The following ZBTB20 variants were observed in gnomAD, a reference collection of about 807,000 sequenced individuals.
The protein encoded by ZBTB20 is zinc finger and BTB domain containing 20, also known as zinc finger and BTB domain-containing protein 20.
A neutral mutation model predicts 56.9 loss-of-function variants in ZBTB20; 9 were observed. The ratio of observed to expected loss-of-function variants is 0.16; its 90% CI spans 0.10 to 0.28. ZBTB20 has a LOEUF of 0.28. Ranked by LOEUF, ZBTB20 falls within the 10% of genes least tolerant of loss-of-function variation. ZBTB20 has a pLI of 1.00. For synonymous variants in ZBTB20, 417 were observed against 420.7 expected (o/e 0.99, Z 0.11); for missense variants, 655 against 1,003.0 (o/e 0.65, Z 4.69).
At chr3:114,967,736 C>T (rs1010474995) in intron 3 of ZBTB20, among the ~76,000 whole-genome samples, 1 of 152,052 alleles carries the variant, frequency 6.6e-6, no homozygotes, top group Admixed American at 6.5e-5. Flanking sequence ...GCGGGTGGAT[C>T]ACCCGAGGTC....
rs1036209244 is a variant in ZBTB20 at position 114,316,216 on chromosome 3, G to T, written c.*22789C>A. The T allele has an allele frequency of 6.5e-6, 2 of 308,076 alleles. No homozygotes were observed. Among genetic ancestry groups the T allele is most frequent in the Non-Finnish European group, 1.2e-5 (2 of 163,726 alleles). 19.1% of individuals were successfully genotyped at this position (308,076 alleles called of 1,614,324 possible). On this transcript the variant is annotated 3_prime_UTR_variant, in exon 12 of 12. Coordinates refer to ENST00000675478, the MANE Select transcript of ZBTB20 (RefSeq NM_001348800.3). The stretch of plus-strand genomic sequence containing the variant: ...TGGTATATAGAACATTACTGCATTC[G>T]CATCGGATCAAGATGGTTTCGCCCA...
chr3:114,946,405 A>G (rs1486715155), intron 3 of ZBTB20, among the ~76,000 whole-genome samples: 1 of 145,698 alleles, frequency 6.9e-6, no homozygotes, highest in Non-Finnish European at 1.5e-5. Flanking sequence ...CAATAGATAA[A>G]CTTGATAAAA....
At chr3:114,576,099 T>A (rs1215598106) in intron 6 of ZBTB20, among the ~76,000 whole-genome samples, 1 of 152,178 alleles carries the variant, frequency 6.6e-6, no homozygotes, top group Non-Finnish European at 1.5e-5. Context: ...AACCAATATT[T>A]ATTAAGCACC....
rs778967854 is a variant in ZBTB20 at position 114,944,555 on chromosome 3, G to A, written c.-456+29811C>T. Among the ~76,000 whole-genome samples the A allele has an allele frequency of 2.1e-5, 3 of 145,536 alleles. 1 individual carries two copies. The highest frequency in any genetic ancestry group is 8.4e-5 in the African/African-American group (3 of 35,776). ...CCACATTCATCGTAGCATTATTCAC[G>A]ATAGCTAAGATACGGAAGCAACCTA... is the stretch of plus-strand genomic sequence containing the variant. On this transcript the variant is annotated intron_variant, in intron 3 of 11. Transcript: ENST00000675478.
intron 6 of ZBTB20, among the ~76,000 whole-genome samples, chr3:114,684,279 G>C (rs2062179753): frequency 6.6e-6 from 1 of 152,144 alleles, no homozygotes; most frequent in Admixed American, 6.5e-5. Flanking sequence ...ACTTTAGGGA[G>C]CTTTTCCCAA....
Position 114,350,509 on chromosome 3 carries a change from A to G in ZBTB20, c.1569T>C (p.Pro523=). 1 of 1,614,076 alleles carries G rather than the reference A, an allele frequency of 6.2e-7. No individual in the cohort carries two copies. The highest frequency in any genetic ancestry group is 1.1e-5 in the South Asian group (1 of 91,074). ...TTQPAGSGPK[P]FLFSLPQPLA... ...GGGGCTGTGGCAGGCTGAAGAGGAA[A>G]GGCTTGGGGCCACTGCCCGCGGGCT... Residue 523 remains proline (P), a synonymous_variant, in exon 11 of 12, where the codon CCT becomes CCC. Coordinates refer to ENST00000675478, the MANE Select transcript of ZBTB20 (RefSeq NM_001348800.3).
At chr3:115,134,006 A>T (rs1461558971) in intron 1 of ZBTB20, among the ~76,000 whole-genome samples, 1 of 152,134 alleles carries the variant, frequency 6.6e-6, no homozygotes, top group East Asian at 1.9e-4. Flanking sequence ...TTCGGGTTTT[A>T]CTATATGGTT....
chr3:114,456,825 G>A (rs1364919452), intron 7 of ZBTB20, among the ~76,000 whole-genome samples: 1 of 152,212 alleles, frequency 6.6e-6, no homozygotes, highest in Non-Finnish European at 1.5e-5. Context: ...CTCAGGATGT[G>A]TATGAAACCG....
At chr3:114,862,113 G>A (rs2075562788) in intron 4 of ZBTB20, among the ~76,000 whole-genome samples, 1 of 152,098 alleles carries the variant, frequency 6.6e-6, no homozygotes, top group Non-Finnish European at 1.5e-5. Context: ...AGAAAAAAGT[G>A]TCTATCATAA....
intron 3 of ZBTB20, among the ~76,000 whole-genome samples, chr3:114,937,971 G>A (rs2076600357): frequency 6.6e-6 from 1 of 151,658 alleles, no homozygotes; most frequent in Admixed American, 6.6e-5. Flanking sequence ...GGTGGTGGGC[G>A]CCTGTAGTCT....
rs2308269 is a variant in ZBTB20 at position 114,900,360 on chromosome 3, T to TATATC, written c.-455-19_-455-18insGATAT. On this transcript the variant is annotated intron_variant, in intron 3 of 11. Coordinates refer to ENST00000675478, the MANE Select transcript of ZBTB20 (RefSeq NM_001348800.3). ...CATCAATTCTGAAATGTAAAAGAAA[T>TATATC]ATATAAGTAAAAATTAATTTACTAA... The TATATC allele has an allele frequency of 0.93, 140,821 of 151,822 alleles. 65,482 individuals carry two copies. The highest frequency in any genetic ancestry group is 1 in the East Asian group (5,179 of 5,184). The allele number at this position is 151,822 out of a possible 1,614,324, so 9.4% of individuals were successfully genotyped here.
At chr3:114,693,422 C>T (rs778683058) in intron 6 of ZBTB20, 106 bp downstream of exon 6, 1 of 152,120 alleles carries the variant, frequency 6.6e-6, no homozygotes. Context: ...CAAAGACTCA[C>T]CACAGCCTTT....
chr3:114,457,130 A>G (rs963305784), intron 7 of ZBTB20, among the ~76,000 whole-genome samples: 1 of 152,246 alleles, frequency 6.6e-6, no homozygotes, highest in Non-Finnish European at 1.5e-5. Flanking sequence ...CAGAGCCCAG[A>G]AGAAAGCAGT....
chr3:114,782,101 T>C (rs2070148761), intron 5 of ZBTB20, among the ~76,000 whole-genome samples: 1 of 152,146 alleles, frequency 6.6e-6, no homozygotes, highest in African/African-American at 2.4e-5. Context: ...CTGAGGAAAG[T>C]GGAGGTGCTG....
rs543479571 is a variant in ZBTB20, at chr3:114,475,243, T to C, written c.-255+25109A>G. On this transcript the variant is annotated intron_variant, in intron 7 of 11. Coordinates refer to ENST00000675478, the MANE Select transcript of ZBTB20 (RefSeq NM_001348800.3). ...TCTGTATGCTCAAATCCTGCTTGTT[T>C]TTCAAAGCCCAAATCCAGTGTCATC... Among the ~76,000 whole-genome samples, 64 of 152,122 alleles carry C rather than the reference T, an allele frequency of 4.2e-4. 1 individual carries two copies. Among genetic ancestry groups the C allele is most frequent in the Middle Eastern group, 6.3e-3 (2 of 316 alleles).
intron 6 of ZBTB20, among the ~76,000 whole-genome samples, chr3:114,578,852 T>G (rs1345579294): frequency 6.6e-6 from 1 of 151,736 alleles, no homozygotes; most frequent in Non-Finnish European, 1.5e-5. Flanking sequence ...AGAATAATGG[T>G]AGGCATAGTA....
intron 1 of ZBTB20, among the ~76,000 whole-genome samples, chr3:115,085,407 T>C (rs534651168): frequency 3.6e-4 from 55 of 152,074 alleles, no homozygotes; most frequent in African/African-American, 1.3e-3. Flanking sequence ...TGGACACTCT[T>C]GGAAACTGCA....
intron 5 of ZBTB20, among the ~76,000 whole-genome samples, chr3:114,739,174 C>T (rs1389069983): frequency 3.9e-5 from 6 of 152,146 alleles, no homozygotes; most frequent in Admixed American, 3.9e-4. Context: ...CACAGGCTCA[C>T]CCAAGAACTA....
chr3:114,939,232 T>C (rs1309615668), intron 3 of ZBTB20, among the ~76,000 whole-genome samples: 1 of 146,252 alleles, frequency 6.8e-6, no homozygotes, highest in Non-Finnish European at 1.5e-5. Context: ...AAAATAATAA[T>C]GATAAAGAGC....
Sources: gnomAD v4.1 joint callset for allele counts (sites outside exome capture counted in the v4.1 genomes callset) on GRCh38, gnomAD v4.1.1 for gene constraint, MANE v1.5 for transcripts, NCBI Gene and HGNC (gene_info 2026-07-23, HGNC 2026-07-21) for gene names.